The following OXR1 variants were observed in gnomAD, a reference collection of about 807,000 sequenced individuals.
The protein encoded by OXR1 is oxidation resistance protein 1.
In OXR1, 41 loss-of-function variants were observed where a neutral mutation model predicts 104.6. The observed-to-expected ratio is 0.39, with a 90% CI of 0.31 to 0.51. The LOEUF is 0.51. Among genes scored for constraint, OXR1 ranks in the 20% least tolerant of loss-of-function variants. The pLI, the probability that OXR1 is intolerant of heterozygous loss-of-function variation, is 0.77. For synonymous variants in OXR1, 348 were observed against 348.4 expected (o/e 1.00, Z 0.01); for missense variants, 955 against 1,031.9 (o/e 0.93, Z 1.02).
intron 2 of OXR1, among the ~76,000 whole-genome samples, chr8:106,490,300 G>T (rs1810990660): frequency 6.6e-6 from 1 of 152,142 alleles, no homozygotes; most frequent in African/African-American, 2.4e-5. Context: ...GATAAACAGA[G>T]GTAAAGGAAA....
Position 106,555,947 on chromosome 8 carries a change from T to TATATATATATAC in OXR1, c.220+36809_220+36810insTATATATATACA, listed in dbSNP as rs1467087631. Among the ~76,000 whole-genome samples the TATATATATATAC allele has an allele frequency of 1.2e-4, 5 of 41,074 alleles. No individual in the cohort carries two copies. In the East Asian group the frequency reaches 4.7e-3, roughly 38 times the overall value. 26.9% of individuals were successfully genotyped at this position (41,074 alleles called of 152,430 possible). A position where few individuals can be genotyped will look rare whatever the true frequency, so the allele number is the denominator to read the frequency against. ...ATATATGTACATATATATATATATA[T>TATATATATATAC]ACACAATGGAATATTAAACTATAAA... is the stretch of plus-strand genomic sequence containing the variant. On this transcript the variant is annotated intron_variant, in intron 3 of 16. Transcript: ENST00000517566.
intron 7 of OXR1, among the ~76,000 whole-genome samples, chr8:106,701,049 C>G (rs1048121808): frequency 6.6e-6 from 1 of 152,014 alleles, no homozygotes; most frequent in African/African-American, 2.4e-5. Context: ...TAAATGTTCT[C>G]TACAATGTAC....
chr8:106,526,595 T>C (rs377458233), intron 3 of OXR1, among the ~76,000 whole-genome samples: 4 of 152,232 alleles, frequency 2.6e-5, no homozygotes, highest in Admixed American at 2.0e-4. Context: ...CAGGCTGGAG[T>C]GCAGTGGCGC....
chr8:106,571,199 A>G (rs139618966), intron 3 of OXR1, among the ~76,000 whole-genome samples: 163 of 152,252 alleles, frequency 1.1e-3, no homozygotes, highest in Admixed American at 2.2e-3. Flanking sequence ...CTGTAACAAA[A>G]TATCATAGAC....
Position 106,606,362 on chromosome 8 carries a change from G to A in OXR1, c.221-72848G>A, listed in dbSNP as rs1586886557. On this transcript the variant is annotated intron_variant, in intron 3 of 16. Transcript: ENST00000517566. ...GTTGCCCAGGCTGGAGTGCAGTGGT[G>A]TAATCTCGGATCACTGCAACCACCA... 4.6e-5 allele frequency among the ~76,000 whole-genome samples: 7 copies of A among 151,770 alleles called. 1 individual carries two copies. The highest frequency in any genetic ancestry group is 1.7e-4 in the African/African-American group (7 of 41,364).
intron 3 of OXR1, among the ~76,000 whole-genome samples, chr8:106,525,356 A>G (rs1193179372): frequency 1.3e-5 from 2 of 152,180 alleles, no homozygotes; most frequent in African/African-American, 2.4e-5. Flanking sequence ...GCTTCCCCAA[A>G]TAGCCTAGAT....
rs771796776 is a variant in OXR1 at position 106,745,814 on chromosome 8, T to C, written c.2438T>C (p.Met813Thr). ...GTCTTTAAGTGGACAGGAGATAATA[T>C]GTTTTTTATCAAAGGAGACATGGAT... ...FEVFKWTGDN[M>T]FFIKGDMDSL... is the part of the protein sequence containing the mutation. The change falls in exon 16 of 17, where the codon ATG becomes ACG. Residue 813 changes from methionine (M) to threonine (T), a missense_variant. Coordinates refer to ENST00000517566, the MANE Select transcript of OXR1 (RefSeq NM_001198533.2). 5 of 1,581,016 alleles carry C rather than the reference T, an allele frequency of 3.2e-6. No individual in the cohort carries two copies. In the Admixed American group the frequency reaches 5.0e-5, roughly 16 times the overall value.
chr8:106,597,038 C>G (rs190827209), intron 3 of OXR1, among the ~76,000 whole-genome samples: 54 of 152,072 alleles, frequency 3.6e-4, no homozygotes, highest in Non-Finnish European at 5.9e-5. Context: ...GGGGACAGAG[C>G]GAGACTGCAC....
chr8:106,353,000 G>A (rs923461520), intron 1 of OXR1, among the ~76,000 whole-genome samples: 2 of 152,052 alleles, frequency 1.3e-5, no homozygotes, highest in African/African-American at 2.4e-5. Context: ...TTACCTTAAG[G>A]GAAAAGTAAA....
At chr8:106,301,155 A>G (rs893688333) in intron 1 of OXR1, among the ~76,000 whole-genome samples, 1 of 152,200 alleles carries the variant, frequency 6.6e-6, no homozygotes, top group Non-Finnish European at 1.5e-5. Flanking sequence ...CCAGAATAAG[A>G]ACAGTGAATG....
chr8:106,302,585 C>CAA (rs201231695), intron 1 of OXR1, among the ~76,000 whole-genome samples: 3,765 of 125,334 alleles, frequency 0.03, 114 homozygotes, highest in African/African-American at 0.068. Context: ...GATGCTGTCT[C>CAA]AAAAAAAAAA....
At chr8:106,469,670 G>A (rs1299489280) in intron 2 of OXR1, among the ~76,000 whole-genome samples, 2 of 151,962 alleles carry the variant, frequency 1.3e-5, no homozygotes, top group East Asian at 3.9e-4. Context: ...AGTATCATGA[G>A]TTGTATAAAT....
At chr8:106,444,203 G>C (rs1047674173) in intron 2 of OXR1, among the ~76,000 whole-genome samples, 1 of 152,110 alleles carries the variant, frequency 6.6e-6, no homozygotes, top group African/African-American at 2.4e-5. Context: ...ATTCTAATGA[G>C]GCTGTGGAGA....
At chr8:106,720,688 A>G in intron 11 of OXR1, 2 of 965,208 alleles carry the variant, frequency 2.1e-6, no homozygotes, top group Non-Finnish European at 2.5e-6. Context: ...GACTTCCATC[A>G]TGTTGTGTAC....
chr8:106,552,857 T>A (rs1022320685), intron 3 of OXR1, among the ~76,000 whole-genome samples: 3 of 152,232 alleles, frequency 2.0e-5, no homozygotes, highest in Admixed American at 1.3e-4. Context: ...GTTCTCAGTT[T>A]ACTTAAATCC....
chr8:106,624,062 T>G (rs561753658), intron 3 of OXR1, among the ~76,000 whole-genome samples: 30 of 152,352 alleles, frequency 2.0e-4, no homozygotes, highest in African/African-American at 7.2e-4. Context: ...TTCATTCACA[T>G]GTGTGTTTTC....
intron 1 of OXR1, among the ~76,000 whole-genome samples, chr8:106,289,570 TA>T (rs1254614316): frequency 6.6e-6 from 1 of 152,204 alleles, no homozygotes; most frequent in Non-Finnish European, 1.5e-5. Context: ...TCAATTTCAT[TA>T]AAATGGCCAT....
chr8:106,468,406 A>C (rs1314411572), intron 2 of OXR1, among the ~76,000 whole-genome samples: 1 of 151,842 alleles, frequency 6.6e-6, no homozygotes, highest in African/African-American at 2.4e-5. Context: ...CATATACTAC[A>C]TCCACACACA....
chr8:106,521,608 G>A (rs1813267148), intron 3 of OXR1, among the ~76,000 whole-genome samples: 2 of 152,150 alleles, frequency 1.3e-5, no homozygotes, highest in Non-Finnish European at 2.9e-5. Context: ...CACCTCCAGG[G>A]TTCAAGCGAT....
Sources: allele counts gnomAD v4.1 joint callset (sites outside exome capture counted in the v4.1 genomes callset), GRCh38; gene constraint gnomAD v4.1.1; transcripts MANE v1.5; gene names NCBI Gene and HGNC (gene_info 2026-07-23, HGNC 2026-07-21).